Variants in GLIS2 observed in about 807,000 individuals in gnomAD.
The protein encoded by GLIS2 is GLIS family zinc finger 2.
GLIS2 carries 14 observed loss-of-function variants against 35.6 expected under a neutral mutation model. The ratio of observed to expected loss-of-function variants is 0.39; its 90% CI spans 0.26 to 0.61. GLIS2 has a LOEUF of 0.61. GLIS2 is among the 20% of genes least tolerant of loss of function. GLIS2 has a pLI of 0.48. For missense variants in GLIS2, 675 were observed against 713.4 expected (o/e 0.95, Z 0.61); for synonymous variants, 368 against 325.1 (o/e 1.13, Z -1.42).
rs2053602017 is a variant in GLIS2 at position 4,339,485 on chromosome 16, A to G, written c.*1961A>G. Reference sequence around the variant, plus strand: ...CTTATGTTTTCCTCCTCTTGGCTCCATTGCTGTTAGCATAGAGTTTTAAAA... The same window carrying G: ...CTTATGTTTTCCTCCTCTTGGCTCCGTTGCTGTTAGCATAGAGTTTTAAAA... On this transcript the variant is annotated 3_prime_UTR_variant, in exon 7 of 7. Coordinates refer to ENST00000433375, the MANE Select transcript of GLIS2 (RefSeq NM_032575.3). 1 of 152,540 alleles carries G rather than the reference A, an allele frequency of 6.6e-6. No individual in the cohort carries two copies. Among genetic ancestry groups the G allele is most frequent in the South Asian group, 2.1e-4 (1 of 4,834 alleles). The allele number at this position is 152,540 out of a possible 1,614,324, so 9.4% of individuals were successfully genotyped here.
At chr16:4,336,535 G>A (rs1221890935) in intron 6 of GLIS2, 190 bp from the exon 7 acceptor site, 3 of 678,866 alleles carry the variant, frequency 4.4e-6, no homozygotes, top group Non-Finnish European at 8.0e-6. Flanking sequence ...CAACCAGGCT[G>A]AGTTTTCAGC....
intron 1 of GLIS2, chr16:4,329,114 C>A (rs893650863): frequency 6.6e-6 from 1 of 152,268 alleles, no homozygotes; most frequent in Non-Finnish European, 1.5e-5. Flanking sequence ...GTCCAGGCTT[C>A]CAGCACAGAG....
intron 1 of GLIS2, among the ~76,000 whole-genome samples, chr16:4,316,639 G>A (rs1396197151): frequency 6.6e-6 from 1 of 151,836 alleles, no homozygotes; most frequent in African/African-American, 2.4e-5. Context: ...GAAGTTGTCC[G>A]GGGCAGCCGC....
At position 4,338,167 on chromosome 16, in the gene GLIS2, C is replaced by CCCAGG. The variant is rs200746261; in HGVS notation, c.*651_*655dup. 0.024 allele frequency: 3,709 copies of CCCAGG among 157,722 alleles called. 86 individuals carry two copies. Among genetic ancestry groups the CCCAGG allele is most frequent in the Middle Eastern group, 0.078 (23 of 296 alleles). The allele number at this position is 157,722 out of a possible 1,614,324, so 9.8% of individuals were successfully genotyped here. A position where few individuals can be genotyped will look rare whatever the true frequency, so the allele number is the denominator to read the frequency against. On this transcript the variant is annotated 3_prime_UTR_variant, in exon 7 of 7. Transcript: ENST00000433375. ...CCCGCTCTGCAGCCGCCGTCCTCAC[C>CCCAGG]CCAGGCCAGGCCTGCAGTACCAGAC... is the stretch of plus-strand genomic sequence containing the variant.
rs961673196 is a variant in GLIS2, at chr16:4,332,711, A to G, written c.172+259A>G. 1.3e-5 allele frequency among the ~76,000 whole-genome samples: 2 copies of G among 152,238 alleles called. No homozygotes were observed. Among genetic ancestry groups the G allele is most frequent in the African/African-American group, 2.4e-5 (1 of 41,472 alleles). ...GATCTGGAACAGAGCTGGTCGGGCA[A>G]CCAGGCATTCAGAAGGAGCGGCAGT... On this transcript the variant is annotated intron_variant, in intron 2 of 6. Coordinates refer to ENST00000433375, the MANE Select transcript of GLIS2 (RefSeq NM_032575.3). This position sits in a 1 kb window ranked among gnomAD's most constrained non-coding sequence, Gnocchi z 5.4.
chr16:4,332,163 G>A lies in GLIS2; in HGVS notation c.-66-52G>A, dbSNP rs2053503615. 1.7e-5 allele frequency: 21 copies of A among 1,264,888 alleles called. No individual in the cohort carries two copies. The highest frequency in any genetic ancestry group is 3.7e-4 in the Middle Eastern group (2 of 5,428). 78.4% of individuals were successfully genotyped at this position (1,264,888 alleles called of 1,614,324 possible). A position where few individuals can be genotyped will look rare whatever the true frequency, so the allele number is the denominator to read the frequency against. On this transcript the variant is annotated intron_variant, in intron 1 of 6. Transcript: ENST00000433375. The surrounding 1 kb of genome is among the most constrained non-coding windows in gnomAD (Gnocchi z 5.4). ...TGTTAGACTGTCATGAGTACAGCCC[G>A]AGGAGAAGCCTGGGGTCTCAGTGCC...
intron 1 of GLIS2, among the ~76,000 whole-genome samples, chr16:4,317,489 G>C (rs1272303483): frequency 6.6e-6 from 1 of 152,146 alleles, no homozygotes; most frequent in Non-Finnish European, 1.5e-5. Context: ...GCTCAGGGGA[G>C]GGGAAACTGG....
chr16:4,332,337 G>A lies in GLIS2; in HGVS notation c.57G>A (p.Ala19=), dbSNP rs199506809. 20 of 1,613,246 alleles carry A rather than the reference G, an allele frequency of 1.2e-5. No homozygotes were observed. The highest frequency in any genetic ancestry group is 3.3e-4 in the Middle Eastern group (2 of 6,062). Residue 19 remains alanine (A), a synonymous_variant, in exon 2 of 7, where the codon GCG becomes GCA. Coordinates refer to ENST00000433375, the MANE Select transcript of GLIS2 (RefSeq NM_032575.3). This position sits in a 1 kb window ranked among gnomAD's most constrained non-coding sequence, Gnocchi z 5.4. The part of the protein sequence containing the change: ...DLKLSITKLR[A]AREKRERTLG... ...AGCTGAGTATCACCAAGCTCCGGGC[G>A]GCAAGAGAGAAGCGGGAGAGGACGC... is the stretch of plus-strand genomic sequence containing the variant.
At chr16:4,329,777 A>G (rs1176585055) in intron 1 of GLIS2, among the ~76,000 whole-genome samples, 1 of 152,236 alleles carries the variant, frequency 6.6e-6, no homozygotes, top group Non-Finnish European at 1.5e-5. Flanking sequence ...AAAGACCCCA[A>G]TACCGCGAAA....
chr16:4,322,314 C>T (rs538090607), intron 1 of GLIS2, among the ~76,000 whole-genome samples: 6 of 152,252 alleles, frequency 3.9e-5, no homozygotes, highest in East Asian at 1.9e-4. Flanking sequence ...CCTGCCTCCT[C>T]GTCTACTCCA....
chr16:4,318,902 A>C (rs1020191454), intron 1 of GLIS2, among the ~76,000 whole-genome samples: 1 of 152,170 alleles, frequency 6.6e-6, no homozygotes, highest in Non-Finnish European at 1.5e-5. Context: ...AGTGCCGGCC[A>C]GGGTTTGGGG....
At position 4,336,953 on chromosome 16, in the gene GLIS2, C is replaced by A. The variant is rs546324394; in HGVS notation, c.1004C>A (p.Pro335His). 16 of 1,610,606 alleles carry A rather than the reference C, an allele frequency of 9.9e-6. No individual in the cohort carries two copies. The highest frequency in any genetic ancestry group is 2.2e-5 in the South Asian group (2 of 90,966). Residue 335 changes from proline (P) to histidine (H), a missense_variant, in exon 7 of 7, where the codon CCC becomes CAC. Around this residue, in one of 3 missense-constraint regions of GLIS2, gnomAD observed 317 missense variants for 283.2 expected, o/e 1.12. Coordinates refer to ENST00000433375, the MANE Select transcript of GLIS2 (RefSeq NM_032575.3). Reference sequence around the variant, plus strand: ...GAGCTCCTGCAGCTGCGCCCACCCCCCAAGCCGCCACTGCCCGCCCCCGAC... The same window carrying A: ...GAGCTCCTGCAGCTGCGCCCACCCCACAAGCCGCCACTGCCCGCCCCCGAC... ...QQELLQLRPPPKPPLPAPDGG... is the reference protein window; with the variant it reads ...QQELLQLRPPHKPPLPAPDGG...
In GLIS2 at chr16:4,338,962, C is replaced by T. The variant is rs2141137152; in HGVS notation, c.*1438C>T. On this transcript the variant is annotated 3_prime_UTR_variant, in exon 7 of 7. Coordinates refer to ENST00000433375, the MANE Select transcript of GLIS2 (RefSeq NM_032575.3). Reference sequence around the variant, plus strand: ...CTGAGTGGCCAGGCCCTTCCACCTCCCCATCTGTAAAACGAGGCAGCTGCC... The same window carrying T: ...CTGAGTGGCCAGGCCCTTCCACCTCTCCATCTGTAAAACGAGGCAGCTGCC... 1 of 152,474 alleles carries T rather than the reference C, an allele frequency of 6.6e-6. No individual in the cohort carries two copies. The highest frequency in any genetic ancestry group is 2.4e-5 in the African/African-American group (1 of 41,590). 9.4% of individuals were successfully genotyped at this position (152,474 alleles called of 1,614,324 possible).
At chr16:4,317,864 T>TC (rs1012650060) in intron 1 of GLIS2, among the ~76,000 whole-genome samples, 82 of 152,172 alleles carry the variant, frequency 5.4e-4, no homozygotes, top group African/African-American at 1.9e-3. Context: ...CCTTTCCTCC[T>TC]CCCCCTCCTT....
upstream of GLIS2, chr16:4,314,912 G>C (rs2053290676): frequency 6.6e-6 from 1 of 152,262 alleles, no homozygotes; most frequent in South Asian, 2.1e-4. Context: ...AGAGCAGCAA[G>C]AAGATAACAG....
intron 1 of GLIS2, among the ~76,000 whole-genome samples, chr16:4,317,526 C>T (rs2053327160): frequency 6.6e-6 from 1 of 152,134 alleles, no homozygotes; most frequent in Non-Finnish European, 1.5e-5. Context: ...TCCCCAAGCC[C>T]CATTCTGGTG....
chr16:4,336,431 G>A lies in GLIS2; in HGVS notation c.776-294G>A. On this transcript the variant is annotated intron_variant, in intron 6 of 6. Transcript: ENST00000433375. ...CAAAGTGCTGAAATTACAGGCGTGA[G>A]CCACCGGGCCCGGCCTCCAAGGCCA... The A allele has an allele frequency of 1.2e-5, 7 of 577,034 alleles. No individual in the cohort carries two copies. In the South Asian group the frequency reaches 1.4e-4, roughly 11 times the overall value. 35.7% of individuals were successfully genotyped at this position (577,034 alleles called of 1,614,324 possible). A position where few individuals can be genotyped will look rare whatever the true frequency, so the allele number is the denominator to read the frequency against.
chr16:4,317,843 G>GT (rs2053331366), intron 1 of GLIS2, among the ~76,000 whole-genome samples: 2 of 152,178 alleles, frequency 1.3e-5, no homozygotes. Context: ...AAGCAACCCT[G>GT]TTTTTCTTAG....
chr16:4,331,276 G>A (rs772837961), intron 1 of GLIS2, among the ~76,000 whole-genome samples: 4 of 152,040 alleles, frequency 2.6e-5, no homozygotes, highest in Non-Finnish European at 5.9e-5. Flanking sequence ...TACTGCGCCC[G>A]GCCACAGGCG....
Sources: gnomAD v4.1 joint callset for allele counts (sites outside exome capture counted in the v4.1 genomes callset) on GRCh38, gnomAD v4.1.1 for gene constraint, gnomAD v4.1.1 regional missense constraint, Gnocchi (gnomAD v3.1) non-coding constraint, MANE v1.5 for transcripts, NCBI Gene and HGNC (gene_info 2026-07-23, HGNC 2026-07-21) for gene names.